Variants in GRIK4 observed in about 807,000 individuals in gnomAD.
GRIK4 encodes glutamate receptor ionotropic, kainate 4.
GRIK4 carries 40 observed loss-of-function variants against 104.9 expected under a neutral mutation model. That is an observed-to-expected ratio of 0.38 (90% CI 0.30 to 0.50). The LOEUF (loss-of-function observed/expected upper bound fraction) is 0.50, where lower values mean the gene tolerates loss of function less well. GRIK4 is among the 20% of genes least tolerant of loss of function. The pLI is 0.93. For missense variants in GRIK4, 1,047 were observed against 1,308.1 expected (o/e 0.80, Z 3.08); for synonymous variants, 485 against 524.9 (o/e 0.92, Z 1.04).
Position 120,704,488 on chromosome 11 carries a change from C to G in GRIK4, c.82+44088C>G, listed in dbSNP as rs182658405. 1.2e-3 allele frequency among the ~76,000 whole-genome samples: 182 copies of G among 152,292 alleles called. 1 individual carries two copies. The highest frequency in any genetic ancestry group is 0.011 in the Admixed American group (163 of 15,300). ...GCAGTCACAGCCTCTATCTCAGCTT[C>G]GAAGCCTGCACGTAATTTACAGTCT... is the stretch of plus-strand genomic sequence containing the variant. On this transcript the variant is annotated intron_variant, in intron 3 of 20. Transcript: ENST00000527524.
At chr11:120,718,720 C>T (rs999703592) in intron 3 of GRIK4, among the ~76,000 whole-genome samples, 10 of 152,208 alleles carry the variant, frequency 6.6e-5, no homozygotes, top group South Asian at 2.1e-4. Context: ...GTGGGTCTGC[C>T]GCCTGGGAGG....
At chr11:120,643,816 C>T (rs184697434) in intron 1 of GRIK4, among the ~76,000 whole-genome samples, 131 of 152,202 alleles carry the variant, frequency 8.6e-4, no homozygotes, top group African/African-American at 2.9e-3. Flanking sequence ...TGTCTAATAA[C>T]GTTAGTTCTA....
intron 1 of GRIK4, among the ~76,000 whole-genome samples, chr11:120,548,674 G>A (rs1013737708): frequency 6.6e-6 from 1 of 152,112 alleles, no homozygotes; most frequent in African/African-American, 2.4e-5. Flanking sequence ...TTTTGGACAG[G>A]GAAGATTTCT....
chr11:120,622,649 C>T (rs903202275), intron 1 of GRIK4, among the ~76,000 whole-genome samples: 1 of 152,272 alleles, frequency 6.6e-6, no homozygotes, highest in South Asian at 2.1e-4. Flanking sequence ...GACCGGAAGC[C>T]AAGTGGCTTA....
chr11:120,876,534 T>C (rs1015268852), intron 11 of GRIK4, among the ~76,000 whole-genome samples: 1 of 150,326 alleles, frequency 6.7e-6, no homozygotes, highest in Admixed American at 6.6e-5. Context: ...CTCCATTTAT[T>C]AAGCTTTTAC....
chr11:120,757,453 A>T (rs1402851196), intron 3 of GRIK4, among the ~76,000 whole-genome samples: 1 of 152,182 alleles, frequency 6.6e-6, no homozygotes, highest in Admixed American at 6.5e-5. Context: ...TGGGGTTGGG[A>T]GGCAAAAAGA....
intron 6 of GRIK4, among the ~76,000 whole-genome samples, chr11:120,823,773 G>C (rs1434931706): frequency 1.3e-5 from 2 of 152,226 alleles, no homozygotes; most frequent in African/African-American, 4.8e-5. Flanking sequence ...TGGAGCAGAT[G>C]TGCCTGTCCA....
chr11:120,838,183 G>A (rs1468876213), intron 8 of GRIK4, among the ~76,000 whole-genome samples: 1 of 152,168 alleles, frequency 6.6e-6, no homozygotes, highest in Non-Finnish European at 1.5e-5. Context: ...AAAAGCACTG[G>A]CCTGTGAAGT....
intron 4 of GRIK4, among the ~76,000 whole-genome samples, chr11:120,814,239 A>G (rs1023486976): frequency 1.3e-5 from 2 of 152,146 alleles, no homozygotes; most frequent in Non-Finnish European, 2.9e-5. Flanking sequence ...CCAAATAGAT[A>G]CAGTGTCTTA....
At chr11:120,699,975 G>A (rs1036874090) in intron 3 of GRIK4, among the ~76,000 whole-genome samples, 3 of 152,184 alleles carry the variant, frequency 2.0e-5, no homozygotes, top group Non-Finnish European at 4.4e-5. Context: ...GAACGTTTGA[G>A]CAAAGTAAGG....
At chr11:120,677,728 G>T (rs539330573) in intron 3 of GRIK4, among the ~76,000 whole-genome samples, 1 of 152,294 alleles carries the variant, frequency 6.6e-6, no homozygotes. Flanking sequence ...GGGACCGTGG[G>T]GACATTGCCA....
At chr11:120,715,378 G>A (rs1485543786) in intron 3 of GRIK4, among the ~76,000 whole-genome samples, 1 of 152,182 alleles carries the variant, frequency 6.6e-6, no homozygotes, top group Non-Finnish European at 1.5e-5. Context: ...TCGGAAAGCG[G>A]TGGGTCGTGT....
rs116903592 is a variant in GRIK4 at position 120,941,093 on chromosome 11, G to A, written c.1590+633G>A. 3.6e-3 allele frequency among the ~76,000 whole-genome samples: 555 copies of A among 152,324 alleles called. 26 individuals are homozygous for A. The East Asian group carries it at 0.08, about 22-fold the overall frequency. On this transcript the variant is annotated intron_variant, in intron 14 of 20. Coordinates refer to ENST00000527524, the MANE Select transcript of GRIK4 (RefSeq NM_014619.5). The stretch of plus-strand genomic sequence containing the variant: ...GGCCGGTGGGAAGAGCAGAGGAAGA[G>A]TCACCCTGGCTGGGTCTCATCCATC...
chr11:120,588,554 G>A (rs1335958590), intron 1 of GRIK4, among the ~76,000 whole-genome samples: 4 of 152,178 alleles, frequency 2.6e-5, no homozygotes, highest in Non-Finnish European at 5.9e-5. Flanking sequence ...GCAGAAGTGG[G>A]GTTTGTGGGA....
At chr11:120,603,100 A>G (rs1266961309) in intron 1 of GRIK4, among the ~76,000 whole-genome samples, 1 of 152,172 alleles carries the variant, frequency 6.6e-6, no homozygotes, top group Admixed American at 6.5e-5. Context: ...CTGATGGGGA[A>G]TCTCCAGAGC....
At chr11:120,972,051 A>G (rs1187626851) in intron 19 of GRIK4, among the ~76,000 whole-genome samples, 2 of 152,202 alleles carry the variant, frequency 1.3e-5, no homozygotes, top group African/African-American at 4.8e-5. Context: ...TGTCCTAAAA[A>G]TACATGTGAA....
intron 1 of GRIK4, among the ~76,000 whole-genome samples, chr11:120,529,303 G>C (rs986079163): frequency 6.6e-6 from 1 of 152,156 alleles, no homozygotes; most frequent in Non-Finnish European, 1.5e-5. Context: ...CTTACAGGAG[G>C]ATCTTGCCAA....
intron 1 of GRIK4, among the ~76,000 whole-genome samples, chr11:120,573,255 A>G (rs1346723491): frequency 1.3e-5 from 2 of 152,114 alleles, no homozygotes; most frequent in East Asian, 1.9e-4. Flanking sequence ...TAATCCTGCC[A>G]TTGTCACCAG....
chr11:120,813,054 G>A (rs1413191272), intron 4 of GRIK4, among the ~76,000 whole-genome samples: 1 of 152,222 alleles, frequency 6.6e-6, no homozygotes, highest in Admixed American at 6.5e-5. Context: ...TGGATAACAG[G>A]TCATGGTGAC....
Sources: gnomAD v4.1 joint callset for allele counts (sites outside exome capture counted in the v4.1 genomes callset) on GRCh38, gnomAD v4.1.1 for gene constraint, MANE v1.5 for transcripts, NCBI Gene and HGNC (gene_info 2026-07-23, HGNC 2026-07-21) for gene names.